The following SLC6A3 variants were observed in gnomAD, a reference collection of about 807,000 sequenced individuals.
SLC6A3 encodes solute carrier family 6 member 3.
SLC6A3 carries 19 observed loss-of-function variants against 70.4 expected under a neutral mutation model. The ratio of observed to expected loss-of-function variants is 0.27; its 90% confidence interval spans 0.19 to 0.40. The LOEUF is 0.40. Ranked by LOEUF, SLC6A3 falls within the 10% of genes least tolerant of loss-of-function variation. The probability of loss-of-function intolerance (pLI) is 1.00; values close to 1 mark genes in which losing one functional copy is unlikely to be tolerated. For synonymous variants in SLC6A3, 368 were observed against 356.6 expected (o/e 1.03, Z -0.36); for missense variants, 613 against 838.5 (o/e 0.73, Z 3.32).
chr5:1,429,498 T>G (rs1479701400), intron 4 of SLC6A3, among the ~76,000 whole-genome samples: 1 of 152,204 alleles, frequency 6.6e-6, no homozygotes, highest in Non-Finnish European at 1.5e-5. Context: ...GTCTGATCGT[T>G]TAAAATAATA....
intron 4 of SLC6A3, 103 bp downstream of exon 4, chr5:1,432,361 C>T (rs1290997376): frequency 3.0e-5 from 25 of 823,244 alleles, no homozygotes; most frequent in Non-Finnish European, 3.9e-5. Flanking sequence ...TCCCCCTCCC[C>T]GCACCCTGGG....
Position 1,406,038 on chromosome 5 carries a change from A to G in SLC6A3, c.1599+150T>C, listed in dbSNP as rs1468137258. On this transcript the variant is annotated intron_variant, in intron 12 of 14. Coordinates refer to ENST00000270349, the MANE Select transcript of SLC6A3 (RefSeq NM_001044.5). The surrounding 1 kb of genome is among the most constrained non-coding windows in gnomAD (Gnocchi z 8.8). The stretch of plus-strand genomic sequence containing the variant: ...CCTTAAGGAGACTATAGATGAGTTC[A>G]GGGATCAGCCTGTCCTTCTGGGCCG... The G allele has an allele frequency of 4.3e-6, 3 of 701,932 alleles. No homozygotes were observed. In the Admixed American group the frequency reaches 6.1e-5, roughly 14 times the overall value. 43.5% of individuals were successfully genotyped at this position (701,932 alleles called of 1,614,324 possible). A position where few individuals can be genotyped will look rare whatever the true frequency, so the allele number is the denominator to read the frequency against.
intron 8 of SLC6A3, among the ~76,000 whole-genome samples, chr5:1,412,569 G>A (rs1351229887): frequency 7.2e-5 from 11 of 152,146 alleles, no homozygotes; most frequent in African/African-American, 1.9e-4. Flanking sequence ...GCAGGCAGGC[G>A]ACCAAAAGTC....
rs958111540 is a variant in SLC6A3, at chr5:1,413,814, G to A, written c.1156+877C>T. On this transcript the variant is annotated intron_variant, in intron 8 of 14. Coordinates refer to ENST00000270349, the MANE Select transcript of SLC6A3 (RefSeq NM_001044.5). The surrounding 1 kb of genome is among the most constrained non-coding windows in gnomAD (Gnocchi z 7.1). ...GTTGGCCCAAGTTAGGGCTGCCAAC[G>A]CCACAGCTTTCCACTGCAAGCACCG... Among the ~76,000 whole-genome samples, 7 of 152,146 alleles carry A rather than the reference G, an allele frequency of 4.6e-5. No individual in the cohort carries two copies. Among genetic ancestry groups the A allele is most frequent in the Non-Finnish European group, 7.4e-5 (5 of 68,024 alleles).
rs1284372037 is a variant in SLC6A3 at position 1,396,752 on chromosome 5, A to G, written c.1840-1994T>C. On this transcript the variant is annotated intron_variant, in intron 14 of 14. Coordinates refer to ENST00000270349, the MANE Select transcript of SLC6A3 (RefSeq NM_001044.5). The surrounding 1 kb of genome is among the most constrained non-coding windows in gnomAD (Gnocchi z 7.0). ...CTGTTCCCCCAGCCAGGAGAATGTCATGATTCTCGGGGATCTGCATGGGGT... is the reference window on the plus strand; with the variant it reads ...CTGTTCCCCCAGCCAGGAGAATGTCGTGATTCTCGGGGATCTGCATGGGGT... 6.6e-6 allele frequency among the ~76,000 whole-genome samples: 1 copy of G among 152,030 alleles called. No individual in the cohort carries two copies. Among genetic ancestry groups the G allele is most frequent in the East Asian group, 1.9e-4 (1 of 5,174 alleles).
intron 6 of SLC6A3, chr5:1,416,557 T>G: frequency 3.3e-6 from 1 of 302,972 alleles, no homozygotes; most frequent in Non-Finnish European, 6.3e-6. Context: ...CTAATAACCC[T>G]CGGAACAGCA....
At chr5:1,420,965 C>T (rs180787982) in intron 5 of SLC6A3, among the ~76,000 whole-genome samples, 12 of 152,310 alleles carry the variant, frequency 7.9e-5, no homozygotes, top group Non-Finnish European at 1.5e-5. Context: ...GCATTCGGTC[C>T]GCCAGAGTAG....
chr5:1,432,482 G>A lies in SLC6A3; in HGVS notation c.635C>T (p.Pro212Leu). ...CACTTACTCAAAGTACTCGGCAGCA[G>A]GTGTGGTCCCAAAAGTGTCGTTGAG... ...SGLNDTFGTT[P>L]AAEYFERGVL... is the part of the protein sequence containing the mutation. Residue 212 changes from proline to leucine, a missense_variant, in exon 4 of 15, where the codon CCT becomes CTT. This residue lies in a region of SLC6A3 where 153 missense variants were observed against 249.4 expected (regional missense o/e 0.61). Coordinates refer to ENST00000270349, the MANE Select transcript of SLC6A3 (RefSeq NM_001044.5). 2 of 1,613,990 alleles carry A rather than the reference G, an allele frequency of 1.2e-6. No individual in the cohort carries two copies. The highest frequency in any genetic ancestry group is 1.7e-6 in the Non-Finnish European group (2 of 1,179,810).
At chr5:1,434,061 G>A (rs1220202572) in intron 3 of SLC6A3, among the ~76,000 whole-genome samples, 1 of 152,240 alleles carries the variant, frequency 6.6e-6, no homozygotes, top group East Asian at 1.9e-4. Flanking sequence ...ATGGCCATCT[G>A]TGGCCATCTA....
At position 1,436,657 on chromosome 5, in the gene SLC6A3, T is replaced by C. The variant is rs1358281642; in HGVS notation, c.419-3959A>G. Among the ~76,000 whole-genome samples, 1 of 152,240 alleles carries C rather than the reference T, an allele frequency of 6.6e-6. No individual in the cohort carries two copies. The highest frequency in any genetic ancestry group is 1.5e-5 in the Non-Finnish European group (1 of 68,036). On this transcript the variant is annotated intron_variant, in intron 3 of 14. Coordinates refer to ENST00000270349, the MANE Select transcript of SLC6A3 (RefSeq NM_001044.5). The surrounding 1 kb of genome is among the most constrained non-coding windows in gnomAD (Gnocchi z 5.2). ...ATATGACTGACTATAAAATATTTTA[T>C]ATTCAATACAATCGAATGGTGGGGT...
rs1332524374 is a variant in SLC6A3 at position 1,409,780 on chromosome 5, G to A, written c.1339C>T (p.Leu447Phe). The part of the protein sequence containing the change: ...EFQLLHRHRE[L>F]FTLFIVLATF... ...GCCAGGACGATGAAGAGCGTGAAGAGCTCACGGTGTCTGTGCAGCAGCTGG... is the reference window on the plus strand; with the variant it reads ...GCCAGGACGATGAAGAGCGTGAAGAACTCACGGTGTCTGTGCAGCAGCTGG... The change falls in exon 10 of 15, where the codon CTC (leucine) becomes TTC (phenylalanine). Residue 447 changes from leucine (L) to phenylalanine (F), a missense_variant. Transcript: ENST00000270349. The A allele has an allele frequency of 6.2e-6, 10 of 1,613,284 alleles. No homozygotes were observed.
intron 4 of SLC6A3, among the ~76,000 whole-genome samples, chr5:1,422,462 G>A (rs1348427651): frequency 7.2e-6 from 1 of 139,314 alleles, no homozygotes; most frequent in Non-Finnish European, 1.5e-5. Context: ...TGCTGCCCAC[G>A]CTGCTGGGTG....
rs990132348 is a variant in SLC6A3 at position 1,406,158 on chromosome 5, G to A, written c.1599+30C>T. The A allele has an allele frequency of 1.3e-6, 2 of 1,528,196 alleles. No individual in the cohort carries two copies. Among genetic ancestry groups the A allele is most frequent in the African/African-American group, 1.4e-5 (1 of 73,336 alleles). The allele number at this position is 1,528,196 out of a possible 1,614,324, so 94.7% of individuals were successfully genotyped here. A position where few individuals can be genotyped will look rare whatever the true frequency, so the allele number is the denominator to read the frequency against. ...CAGAGTGGGGGCAGTGGGCAGACGG[G>A]GGAAGGGCAGGTGGCCCGAGGTCCC... On this transcript the variant is annotated intron_variant, in intron 12 of 14. Coordinates refer to ENST00000270349, the MANE Select transcript of SLC6A3 (RefSeq NM_001044.5). This position sits in a 1 kb window ranked among gnomAD's most constrained non-coding sequence, Gnocchi z 8.8.
chr5:1,428,076 C>A (rs893266042), intron 4 of SLC6A3, among the ~76,000 whole-genome samples: 1 of 151,838 alleles, frequency 6.6e-6, no homozygotes, highest in African/African-American at 2.4e-5. Context: ...GAACATTCAC[C>A]AGTGTAAACC....
Position 1,406,233 on chromosome 5 carries a change from C to A in SLC6A3, c.1554G>T (p.Leu518=). The change falls in exon 12 of 15, where the codon CTG becomes CTT. Residue 518 remains leucine, a synonymous_variant. Coordinates refer to ENST00000270349, the MANE Select transcript of SLC6A3 (RefSeq NM_001044.5). This position sits in a 1 kb window ranked among gnomAD's most constrained non-coding sequence, Gnocchi z 8.8. ...CCAGCTTCCAGCACAGCCGCCAGTACAGGCTGGGCCGCTGCCCGGTCATCT... is the reference window on the plus strand; with the variant it reads ...CCAGCTTCCAGCACAGCCGCCAGTAAAGGCTGGGCCGCTGCCCGGTCATCT... ...IQQMTGQRPS[L]YWRLCWKLVS... is the part of the protein sequence containing the mutation. The A allele has an allele frequency of 6.2e-7, 1 of 1,613,020 alleles. No individual in the cohort carries two copies.
intron 8 of SLC6A3, among the ~76,000 whole-genome samples, chr5:1,414,487 A>G (rs1579709538): frequency 8.2e-5 from 3 of 36,420 alleles, no homozygotes; most frequent in Non-Finnish European, 2.1e-4. Context: ...GGGGGCCTGG[A>G]GGGTCAGGGC....
chr5:1,400,952 C>A lies in SLC6A3; in HGVS notation c.1802G>T (p.Arg601Leu). 1 of 1,596,516 alleles carries A rather than the reference C, an allele frequency of 6.3e-7. No homozygotes were observed. Among genetic ancestry groups the A allele is most frequent in the Non-Finnish European group, 8.5e-7 (1 of 1,169,672 alleles). ...CACCTCCCCTCTGTCCACCAGCTCA[C>A]GGTCCTTCTCGGGTGCAATGGCGTA... ...LAYAIAPEKD[R>L]ELVDRGEVRQ... Residue 601 changes from arginine to leucine, a missense_variant, in exon 14 of 15, where the codon CGT becomes CTT. By Grantham distance (102) the Arg-to-Leu change is moderately radical. This residue lies in a region of SLC6A3 where 348 missense variants were observed against 481.2 expected (regional missense o/e 0.72). Coordinates refer to ENST00000270349, the MANE Select transcript of SLC6A3 (RefSeq NM_001044.5).
At chr5:1,417,540 G>A (rs139478671) in intron 6 of SLC6A3, among the ~76,000 whole-genome samples, 3 of 152,336 alleles carry the variant, frequency 2.0e-5, no homozygotes, top group South Asian at 2.1e-4. Context: ...TGCCCAACTC[G>A]GTGGATGGCA....
At chr5:1,400,255 C>T (rs942364658) in intron 14 of SLC6A3, among the ~76,000 whole-genome samples, 8 of 152,162 alleles carry the variant, frequency 5.3e-5, no homozygotes, top group African/African-American at 1.2e-4. Flanking sequence ...GGGCACATTC[C>T]GGGGCCTCTC....
Sources: allele counts gnomAD v4.1 joint callset (sites outside exome capture counted in the v4.1 genomes callset), GRCh38; gene constraint gnomAD v4.1.1; regional missense constraint gnomAD v4.1.1; non-coding constraint Gnocchi (gnomAD v3.1); transcripts MANE v1.5; gene names NCBI Gene and HGNC (gene_info 2026-07-23, HGNC 2026-07-21).